Variants in GOLGA8A observed in about 807,000 individuals in gnomAD.
The protein encoded by GOLGA8A is golgin A8 family member A, also known as golgin subfamily A member 8A.
A neutral mutation model predicts 22.1 loss-of-function variants in GOLGA8A; 3 were observed. That is an observed-to-expected ratio of 0.14 (90% confidence interval 0.06 to 0.35). The LOEUF (loss-of-function observed/expected upper bound fraction) is 0.35, where lower values mean the gene tolerates loss of function less well. GOLGA8A is among the 10% of genes least tolerant of loss of function. The pLI is 1.00. For synonymous variants in GOLGA8A, 7 were observed against 91.7 expected (o/e 0.08, Z 5.28); for missense variants, 16 against 233.2 (o/e 0.07, Z 6.07).
At chr15:34,429,459 C>G (rs1213440885) in intron 2 of GOLGA8A, among the ~76,000 whole-genome samples, 1 of 146,662 alleles carries the variant, frequency 6.8e-6, no homozygotes, top group Non-Finnish European at 1.5e-5. Flanking sequence ...GAGGGCTCTT[C>G]TGGCCTGGGC....
chr15:34,424,381 G>A, intron 2 of GOLGA8A, among the ~76,000 whole-genome samples: 1 of 136,972 alleles, frequency 7.3e-6, no homozygotes, highest in African/African-American at 2.7e-5. Flanking sequence ...ATAACAAAAG[G>A]CATAAATAAC....
intron 2 of GOLGA8A, among the ~76,000 whole-genome samples, chr15:34,426,274 C>G (rs970409071): frequency 4.7e-5 from 7 of 149,746 alleles, no homozygotes; most frequent in South Asian, 2.1e-4. Flanking sequence ...GGACAAGGGA[C>G]CATCTCTAAG....
At chr15:34,411,179 C>T (rs1479145740) in intron 2 of GOLGA8A, among the ~76,000 whole-genome samples, 6 of 58,756 alleles carry the variant, frequency 1.0e-4, no homozygotes, top group Non-Finnish European at 1.9e-4. Context: ...GGGGAAGAAA[C>T]GCATGCTAAT....
chr15:34,430,746 A>G (rs1471109063), intron 2 of GOLGA8A, among the ~76,000 whole-genome samples: 1 of 149,672 alleles, frequency 6.7e-6, no homozygotes, highest in African/African-American at 2.5e-5. Context: ...CATCTCCTCC[A>G]TCCATAGTAA....
At chr15:34,408,337 CCA>C (rs1892265139) in intron 2 of GOLGA8A, among the ~76,000 whole-genome samples, 1 of 24,336 alleles carries the variant, frequency 4.1e-5, no homozygotes, top group Admixed American at 3.3e-4. Context: ...ACATCACACT[CCA>C]CACACACCAC....
At chr15:34,436,521 A>C (rs1014894467) in intron 1 of GOLGA8A, among the ~76,000 whole-genome samples, 2 of 149,870 alleles carry the variant, frequency 1.3e-5, no homozygotes, top group African/African-American at 4.9e-5. Flanking sequence ...AGTAAATACT[A>C]AGTTAAGACT....
rs1463031042 is a variant in GOLGA8A at position 34,379,309 on chromosome 15, A to G, written c.*2102T>C. The G allele has an allele frequency of 6.6e-6, 1 of 152,610 alleles. No homozygotes were observed. The highest frequency in any genetic ancestry group is 1.5e-5 in the Non-Finnish European group (1 of 68,054). 9.5% of individuals were successfully genotyped at this position (152,610 alleles called of 1,614,324 possible). A position where few individuals can be genotyped will look rare whatever the true frequency, so the allele number is the denominator to read the frequency against. On this transcript the variant is annotated 3_prime_UTR_variant, in exon 25 of 25. Coordinates refer to ENST00000359187, the MANE Select transcript of GOLGA8A (RefSeq NM_181077.5). ...TTAAACTACAGGATTTATATTTTAA[A>G]ATGTTTTATTTCAGAACATTAAGAT...
intron 12 of GOLGA8A, among the ~76,000 whole-genome samples, chr15:34,386,136 C>T (rs62017542): frequency 0.25 from 33,763 of 133,434 alleles, 1,166 homozygotes; most frequent in Admixed American, 0.28. Context: ...TCTTCACAGC[C>T]GATATAGGAT....
In GOLGA8A at chr15:34,380,598, T is replaced by C. The variant is rs964449680; in HGVS notation, c.*813A>G. The C allele has an allele frequency of 1.0e-4, 16 of 152,530 alleles. 1 individual carries two copies. Among genetic ancestry groups the C allele is most frequent in the Admixed American group, 7.2e-4 (11 of 15,304 alleles). The allele number at this position is 152,530 out of a possible 1,614,324, so 9.4% of individuals were successfully genotyped here. On this transcript the variant is annotated 3_prime_UTR_variant, in exon 25 of 25. Transcript: ENST00000359187. ...TCATTCCTCGGAAATAAGCCCTTTT[T>C]AGGTCACTGAAAAAGAGTGCAACTG...
chr15:34,428,346 C>A (rs887289350), intron 2 of GOLGA8A, among the ~76,000 whole-genome samples: 6 of 148,468 alleles, frequency 4.0e-5, no homozygotes, highest in African/African-American at 1.5e-4. Flanking sequence ...CCTCCCTCCT[C>A]AGCCTCACAA....
At position 34,380,481 on chromosome 15, in the gene GOLGA8A, G is replaced by T. The variant is rs1171927615; in HGVS notation, c.*930C>A. On this transcript the variant is annotated 3_prime_UTR_variant, in exon 25 of 25. Transcript: ENST00000359187. ...CAGGTAGTCATGTGATTAAAACAGG[G>T]AACACGAACTCTGACTTTAAAATGT... 1.3e-5 allele frequency: 2 copies of T among 152,186 alleles called. No individual in the cohort carries two copies. Among genetic ancestry groups the T allele is most frequent in the African/African-American group, 4.8e-5 (2 of 41,440 alleles). The allele number at this position is 152,186 out of a possible 1,614,324, so 9.4% of individuals were successfully genotyped here.
chr15:34,416,365 A>AT (rs1353244188), intron 2 of GOLGA8A: 1 of 147,424 alleles, frequency 6.8e-6, no homozygotes, highest in African/African-American at 2.5e-5. Context: ...TTTTTCTTTA[A>AT]TAATTTTTTT....
intron 12 of GOLGA8A, among the ~76,000 whole-genome samples, chr15:34,386,244 C>T (rs1595638023): frequency 7.1e-6 from 1 of 141,552 alleles, no homozygotes; most frequent in Admixed American, 7.1e-5. Context: ...TTGATACTCA[C>T]TACCTCCTCT....
At chr15:34,425,842 A>C (rs1317873904) in intron 2 of GOLGA8A, among the ~76,000 whole-genome samples, 1 of 145,494 alleles carries the variant, frequency 6.9e-6, no homozygotes, top group Non-Finnish European at 1.5e-5. Flanking sequence ...GCTTCTTATA[A>C]TTCACAATTT....
Position 34,379,088 on chromosome 15 carries a change from T to C in GOLGA8A, c.*2323A>G, listed in dbSNP as rs1311216106. On this transcript the variant is annotated 3_prime_UTR_variant, in exon 25 of 25. Transcript: ENST00000359187. The stretch of plus-strand genomic sequence containing the variant: ...AGCACTTTGCAACAATTTAAAAATT[T>C]ATTGCATTACAGTAGCATCACATCA... 6.5e-6 allele frequency: 1 copy of C among 152,672 alleles called. No homozygotes were observed. The highest frequency in any genetic ancestry group is 2.4e-5 in the African/African-American group (1 of 41,464). 9.5% of individuals were successfully genotyped at this position (152,672 alleles called of 1,614,324 possible). A position where few individuals can be genotyped will look rare whatever the true frequency, so the allele number is the denominator to read the frequency against.
At chr15:34,431,128 A>AT (rs890647648) in intron 2 of GOLGA8A, among the ~76,000 whole-genome samples, 1 of 148,208 alleles carries the variant, frequency 6.7e-6, no homozygotes, top group Non-Finnish European at 1.5e-5. Context: ...GAAACAATGG[A>AT]TTTTTCCAAG....
chr15:34,428,281 G>C (rs1893071457), intron 2 of GOLGA8A, among the ~76,000 whole-genome samples: 1 of 147,456 alleles, frequency 6.8e-6, no homozygotes, highest in East Asian at 2.0e-4. Flanking sequence ...TTTTTGTAGA[G>C]GTGAGGTCTC....
chr15:34,397,456 C>T (rs1891899671), intron 8 of GOLGA8A, among the ~76,000 whole-genome samples: 1 of 148,290 alleles, frequency 6.7e-6, no homozygotes, highest in Non-Finnish European at 1.5e-5. Flanking sequence ...TATTTGAAGT[C>T]TGTATTCTGT....
chr15:34,431,312 CATAT>C (rs1157766795), intron 2 of GOLGA8A, among the ~76,000 whole-genome samples: 1,637 of 45,530 alleles, frequency 0.036, 58 homozygotes, highest in African/African-American at 0.079. Context: ...TATATATATA[CATAT>C]ATATATATAT....
Sources: allele counts gnomAD v4.1 joint callset (sites outside exome capture counted in the v4.1 genomes callset), GRCh38; gene constraint gnomAD v4.1.1; transcripts MANE v1.5; gene names NCBI Gene and HGNC (gene_info 2026-07-23, HGNC 2026-07-21).